The following EFCAB10 variants were observed in gnomAD, a reference collection of about 807,000 sequenced individuals.
The protein encoded by EFCAB10 is EF-hand calcium-binding domain-containing protein 10.
A neutral mutation model predicts 7.7 loss-of-function variants in EFCAB10; 7 were observed. That is an observed-to-expected ratio of 0.91 (90% CI 0.52 to 1.72). The LOEUF is 1.72. Among genes scored for constraint, EFCAB10 ranks in the 40% most tolerant of loss-of-function variants. EFCAB10 has a pLI of 0.00. For synonymous variants in EFCAB10, 52 were observed against 21.0 expected, an observed-to-expected ratio of 2.47 and a Z score of -4.03; for missense variants, 112 against 61.5, an observed-to-expected ratio of 1.82 and a Z score of -2.74.
At chr7:105,574,245 G>A (rs1792016748) in intron 1 of EFCAB10, among the ~76,000 whole-genome samples, 1 of 143,744 alleles carries the variant, frequency 7.0e-6, no homozygotes, top group African/African-American at 2.5e-5. Flanking sequence ...CATATATACA[G>A]TATATATATA....
chr7:105,565,603 C>G lies in EFCAB10; in HGVS notation c.*-156G>C, dbSNP rs1433678307. The G allele has an allele frequency of 6.2e-7, 1 of 1,613,778 alleles. No homozygotes were observed. The highest frequency in any genetic ancestry group is 8.5e-7 in the Non-Finnish European group (1 of 1,179,810). ...TTTGATATGACTCGGAATCTTTTCC[C>G]TTTGTTTTCTCACTATTGCAAGAGA... On this transcript the variant is annotated intron_variant, in intron 4 of 4. Transcript: ENST00000480514.
rs746320451 is a variant in EFCAB10, at chr7:105,567,475, C to T, written c.375G>A (p.Lys125=). 1.3e-4 allele frequency: 91 copies of T among 707,818 alleles called. No homozygotes were observed. The African/African-American group carries it at 1.4e-3, about 11-fold the overall frequency. 43.8% of individuals were successfully genotyped at this position (707,818 alleles called of 1,614,324 possible). ...KFKEEVNKRM[K]EI ...GTTATTAAAATGCTGACCATATTTC[C>T]TTCATCCTCTTGTTCCTAAGGAAAC... The change falls in exon 4 of 5, where the codon AAG becomes AAA. Residue 125 remains lysine, a synonymous_variant. Transcript: ENST00000480514.
rs747595808 is a variant in EFCAB10 at position 105,567,293 on chromosome 7, G to A, written c.383+174C>T. On this transcript the variant is annotated intron_variant, in intron 4 of 4. Coordinates refer to ENST00000480514, the MANE Select transcript of EFCAB10 (RefSeq NM_001355526.2). Reference sequence around the variant, plus strand: ...TTCTACTTAATTTGAGGACAAATTGGCCTAATACTGGAAAATAATGTCTTT... The same window carrying A: ...TTCTACTTAATTTGAGGACAAATTGACCTAATACTGGAAAATAATGTCTTT... The A allele has an allele frequency of 3.6e-5, 57 of 1,596,112 alleles. 1 individual carries two copies. The highest frequency in any genetic ancestry group is 3.3e-4 in the Middle Eastern group (2 of 6,002).
intron 1 of EFCAB10, among the ~76,000 whole-genome samples, chr7:105,579,552 C>G (rs953238539): frequency 2.0e-5 from 3 of 152,106 alleles, no homozygotes; most frequent in African/African-American, 7.2e-5. Context: ...ATTATAGATA[C>G]TTGCCTAACA....
intron 4 of EFCAB10, chr7:105,565,682 A>T (rs1791695028): frequency 1.4e-6 from 2 of 1,388,702 alleles, no homozygotes; most frequent in African/African-American, 2.9e-5. Flanking sequence ...ATATTAATGT[A>T]TCAAATTGTT....
At chr7:105,576,917 G>T (rs1792094584) in intron 1 of EFCAB10, among the ~76,000 whole-genome samples, 1 of 152,124 alleles carries the variant, frequency 6.6e-6, no homozygotes, top group Admixed American at 6.5e-5. Flanking sequence ...AGCTGGGCAT[G>T]GTGGTTTGCA....
At chr7:105,576,669 A>C (rs1194662599) in intron 1 of EFCAB10, among the ~76,000 whole-genome samples, 1 of 151,910 alleles carries the variant, frequency 6.6e-6, no homozygotes, top group Non-Finnish European at 1.5e-5. Context: ...TGGCCTCGAT[A>C]TCCTGACCTC....
At chr7:105,570,242 T>A (rs901234529) in intron 1 of EFCAB10, among the ~76,000 whole-genome samples, 913 of 23,000 alleles carry the variant, frequency 0.04, 10 homozygotes, top group East Asian at 0.057. Context: ...AAAAAAAAAA[T>A]ATATATATAT....
intron 1 of EFCAB10, chr7:105,571,561 A>T (rs994855347): frequency 6.6e-6 from 1 of 152,202 alleles, no homozygotes; most frequent in African/African-American, 2.4e-5. Context: ...CTTTTTTGGG[A>T]TGCTCAAGGC....
chr7:105,566,121 A>C (rs1359593900), intron 4 of EFCAB10, among the ~76,000 whole-genome samples: 1 of 151,928 alleles, frequency 6.6e-6, no homozygotes, highest in African/African-American at 2.4e-5. Context: ...ATACCAAAAA[A>C]AAAAAAATTA....
chr7:105,572,277 A>G (rs1167188964), intron 1 of EFCAB10: 1 of 152,138 alleles, frequency 6.6e-6, no homozygotes, highest in Non-Finnish European at 1.5e-5. Flanking sequence ...CAGATTCCAC[A>G]TATAATTAAG....
intron 1 of EFCAB10, among the ~76,000 whole-genome samples, chr7:105,575,458 G>A (rs12705314): frequency 0.6 from 91,133 of 151,754 alleles, 28,654 homozygotes; most frequent in Middle Eastern, 0.74. Context: ...ACAAGTGTCC[G>A]CCACCATGCT....
rs935291144 is a variant in EFCAB10 at position 105,567,976 on chromosome 7, C to T, written c.360-486G>A. On this transcript the variant is annotated intron_variant, in intron 3 of 4. Transcript: ENST00000480514. Reference sequence around the variant, plus strand: ...GACACGGCACAGCAGCCTGGGCAAGCGAACAAGACCCTGTCTCTAAAGAAC... The same window carrying T: ...GACACGGCACAGCAGCCTGGGCAAGTGAACAAGACCCTGTCTCTAAAGAAC... 5.3e-5 allele frequency among the ~76,000 whole-genome samples: 8 copies of T among 152,040 alleles called. No individual in the cohort carries two copies. The East Asian group carries it at 7.7e-4, about 15-fold the overall frequency.
Position 105,569,233 on chromosome 7 carries a change from T to C in EFCAB10, c.329A>G (p.Lys110Arg), listed in dbSNP as rs138924605. The change falls in exon 3 of 5, where the codon AAA becomes AGA. Residue 110 changes from lysine (K) to arginine (R), a missense_variant. By Grantham distance (26) the Lys-to-Arg change is conservative (BLOSUM62 2). Transcript: ENST00000480514. ...CTCCTTGAATTTATCCAAAGTTATT[T>C]TATGTCCATCATCTTGTAAATCTTC... is the stretch of plus-strand genomic sequence containing the variant. ...EDEDLQDDGH[K>R]ITLDKFKEEV... 4.3e-6 allele frequency: 3 copies of C among 701,852 alleles called. No individual in the cohort carries two copies. The highest frequency in any genetic ancestry group is 5.7e-4 in the Middle Eastern group (2 of 3,496). 43.5% of individuals were successfully genotyped at this position (701,852 alleles called of 1,614,324 possible).
At chr7:105,567,382 A>T in intron 4 of EFCAB10, 85 bp downstream of exon 4, 1 of 1,039,154 alleles carries the variant, frequency 9.6e-7, no homozygotes, top group South Asian at 1.4e-5. Context: ...TTCAAGTTAT[A>T]TGATGAAATT....
chr7:105,580,563 C>A lies in EFCAB10; in HGVS notation c.106+795G>T, dbSNP rs534710199. ...CATCTCGTGCCCGGCCTTTTTTTTT[C>A]TTTCTAATATTTGTTTTAATACTTT... On this transcript the variant is annotated intron_variant, in intron 1 of 4. Coordinates refer to ENST00000480514, the MANE Select transcript of EFCAB10 (RefSeq NM_001355526.2). Among the ~76,000 whole-genome samples, 9 of 150,858 alleles carry A rather than the reference C, an allele frequency of 6.0e-5. No homozygotes were observed. The South Asian group carries it at 1.9e-3, about 32-fold the overall frequency.
Position 105,565,272 on chromosome 7 carries a change from T to A in EFCAB10, c.*175A>T, listed in dbSNP as rs1791655823. 6.4e-7 allele frequency: 1 copy of A among 1,561,822 alleles called. No homozygotes were observed. Among genetic ancestry groups the A allele is most frequent in the South Asian group, 1.2e-5 (1 of 84,356 alleles). On this transcript the variant is annotated 3_prime_UTR_variant, in exon 5 of 5. Transcript: ENST00000480514. ...AATTTTTTGGTAAAAATGTGTTTTT[T>A]CCAGATGGTTGTCCTTGCCATCTCA...
Position 105,565,134 on chromosome 7 carries a change from G to C in EFCAB10, c.*313C>G, listed in dbSNP as rs986037550. The C allele has an allele frequency of 1.7e-6, 1 of 575,120 alleles. No individual in the cohort carries two copies. The highest frequency in any genetic ancestry group is 2.9e-6 in the Non-Finnish European group (1 of 342,676). 35.6% of individuals were successfully genotyped at this position (575,120 alleles called of 1,614,324 possible). On this transcript the variant is annotated 3_prime_UTR_variant, in exon 5 of 5. Transcript: ENST00000480514. ...ATAAATACAGGTACATTTATTTTCT[G>C]ATAGAGCTTTTAATGTTAGGCTGTA...
At chr7:105,580,040 TTGAGTAGCAA>T (rs1792184249) in intron 1 of EFCAB10, among the ~76,000 whole-genome samples, 1 of 152,138 alleles carries the variant, frequency 6.6e-6, no homozygotes, top group Non-Finnish European at 1.5e-5. Flanking sequence ...GTCACCTGGC[TTGAGTAGCAA>T]TCTCCGCTCA....
Sources: gnomAD v4.1 joint callset for allele counts (sites outside exome capture counted in the v4.1 genomes callset) on GRCh38, gnomAD v4.1.1 for gene constraint, MANE v1.5 for transcripts, NCBI Gene and HGNC (gene_info 2026-07-23, HGNC 2026-07-21) for gene names.